The following SYNE1 variants were observed in gnomAD, a reference collection of about 807,000 sequenced individuals.
SYNE1 encodes the protein spectrin repeat containing nuclear envelope protein 1, also known as nesprin-1.
A neutral mutation model predicts 1,111.0 loss-of-function variants in SYNE1; 616 were observed. The ratio of observed to expected loss-of-function variants is 0.55; its 90% CI spans 0.52 to 0.59. The LOEUF is 0.59. Among genes scored for constraint, SYNE1 ranks in the 20% least tolerant of loss-of-function variants. The probability of loss-of-function intolerance (pLI) is 0.00; values close to 1 mark genes in which losing one functional copy is unlikely to be tolerated. For synonymous variants in SYNE1, 3,855 were observed against 3,825.8 expected (o/e 1.01, Z -0.28); for missense variants, 10,006 against 10,417.0 (o/e 0.96, Z 1.72).
chr6:152,511,513 T>C (rs1233603552), intron 6 of SYNE1: 36 of 1,509,324 alleles, frequency 2.4e-5, no homozygotes, highest in Non-Finnish European at 3.3e-5. Flanking sequence ...AGCAGGTAAC[T>C]TATGTTCCCT....
chr6:152,483,973 G>A (rs1439502810), intron 13 of SYNE1, among the ~76,000 whole-genome samples: 1 of 147,946 alleles, frequency 6.8e-6, no homozygotes, highest in Non-Finnish European at 1.5e-5. Flanking sequence ...AAGCCAAGAT[G>A]GATGAGATGC....
intron 6 of SYNE1, among the ~76,000 whole-genome samples, chr6:152,512,204 T>C (rs943731609): frequency 6.6e-6 from 1 of 152,188 alleles, no homozygotes; most frequent in African/African-American, 2.4e-5. Flanking sequence ...ACAAAAATCA[T>C]TGTAAATGAT....
intron 33 of SYNE1, chr6:152,434,893 C>T (rs1440823314): frequency 6.6e-6 from 1 of 152,058 alleles, no homozygotes; most frequent in Non-Finnish European, 1.5e-5. Flanking sequence ...CTGAATGTGC[C>T]TAATGCTGTC....
intron 4 of SYNE1, among the ~76,000 whole-genome samples, chr6:152,531,378 T>C (rs889083247): frequency 6.6e-6 from 1 of 152,328 alleles, no homozygotes; most frequent in South Asian, 2.1e-4. Flanking sequence ...GTAGAGGACA[T>C]GAACAGAAAT....
intron 100 of SYNE1, among the ~76,000 whole-genome samples, chr6:152,264,758 C>T (rs2092501202): frequency 6.6e-6 from 1 of 152,122 alleles, no homozygotes; most frequent in Non-Finnish European, 1.5e-5. Flanking sequence ...TATAATCACA[C>T]CACTGCACTC....
rs376327805 is a variant in SYNE1 at position 152,350,649 on chromosome 6, C to G, written c.11702G>C (p.Ser3901Thr). The change falls in exon 71 of 146, where the codon AGT becomes ACT. Residue 3901 changes from serine to threonine, a missense_variant. Physicochemically the swap from Ser to Thr is moderately conservative, Grantham distance 58. This residue lies in a region of SYNE1 where 4,955 missense variants were observed against 5,017.2 expected (regional missense o/e 0.99). Coordinates refer to ENST00000367255, the MANE Select transcript of SYNE1 (RefSeq NM_182961.4). ...TATGCTGCACAGGTCCTGGTAATCA[C>G]TTTGAAGTTGATCTATTTTGTCCTT... ...TLKDKIDQLQ[S>T]DYQDLCSIGK... The G allele has an allele frequency of 3.9e-5, 63 of 1,613,994 alleles. No individual in the cohort carries two copies. Among genetic ancestry groups the G allele is most frequent in the Non-Finnish European group, 5.3e-5 (62 of 1,180,016 alleles).
intron 67 of SYNE1, 22 bp downstream of exon 67, chr6:152,354,637 C>T: frequency 6.2e-7 from 1 of 1,612,606 alleles, no homozygotes; most frequent in Non-Finnish European, 8.5e-7. Context: ...TGACAAAGAT[C>T]AGGAATCTAC....
At chr6:152,430,743 G>C (rs763116518) in intron 34 of SYNE1, 34 bp from the exon 35 acceptor site, 1 of 1,583,582 alleles carries the variant, frequency 6.3e-7, no homozygotes, top group Non-Finnish European at 8.7e-7. Flanking sequence ...GACAATGTAG[G>C]CTGAGCAAGC....
chr6:152,363,373 A>G (rs973352089), intron 63 of SYNE1, among the ~76,000 whole-genome samples: 1 of 149,934 alleles, frequency 6.7e-6, no homozygotes, highest in Non-Finnish European at 1.5e-5. Context: ...GGGCGCCTGT[A>G]GTACCAGCTA....
rs752394397 is a variant in SYNE1, at chr6:152,133,395, A to T, written c.25882T>A (p.Cys8628Ser). 1 of 1,614,218 alleles carries T rather than the reference A, an allele frequency of 6.2e-7. No homozygotes were observed. Among genetic ancestry groups the T allele is most frequent in the African/African-American group, 1.3e-5 (1 of 75,056 alleles). Reference protein sequence around the residue: ...QLLVNAEGTDCLEAKEKVHVI... With the variant: ...QLLVNAEGTDSLEAKEKVHVI... ...TGGACTTTTTCTTTGGCTTCTAAAC[A>T]GTCTGTTCCTTCAGCATTCACCAGT... The change falls in exon 143 of 146, where the codon TGT (cysteine) becomes AGT (serine). Residue 8628 changes from cysteine to serine, a missense_variant. Coordinates refer to ENST00000367255, the MANE Select transcript of SYNE1 (RefSeq NM_182961.4).
Position 152,255,711 on chromosome 6 carries a change from C to A in SYNE1, c.19140G>T (p.Glu6380Asp), listed in dbSNP as rs752442441. Reference sequence around the variant, plus strand: ...CTGAGACTCCATCATACAACTTCTGCTCCAAGTGTATACTCTGCCTCTTTG... The same window carrying A: ...CTGAGACTCCATCATACAACTTCTGATCCAAGTGTATACTCTGCCTCTTTG... ...GGAKRQSIHLEQKLYDGVSAT... is the reference protein window; with the variant it reads ...GGAKRQSIHLDQKLYDGVSAT... Residue 6380 changes from glutamate to aspartate, a missense_variant, in exon 103 of 146, where the codon GAG becomes GAT. By Grantham distance (45) the Glu-to-Asp change is conservative (BLOSUM62 2). Coordinates refer to ENST00000367255, the MANE Select transcript of SYNE1 (RefSeq NM_182961.4). The A allele has an allele frequency of 6.2e-7, 1 of 1,614,214 alleles. No individual in the cohort carries two copies. The highest frequency in any genetic ancestry group is 8.5e-7 in the Non-Finnish European group (1 of 1,180,036).
Position 152,289,770 on chromosome 6 carries a change from G to A in SYNE1, c.18012+3818C>T, listed in dbSNP as rs1233825066. ...GCCTCCCAAGTAGCTGGGACTACAA[G>A]CGCCCACCACCATGCCTGGCTAAGT... is the stretch of plus-strand genomic sequence containing the variant. On this transcript the variant is annotated intron_variant, in intron 95 of 145. Coordinates refer to ENST00000367255, the MANE Select transcript of SYNE1 (RefSeq NM_182961.4). Among the ~76,000 whole-genome samples the A allele has an allele frequency of 2.0e-5, 3 of 152,152 alleles. No individual in the cohort carries two copies. In the East Asian group the frequency reaches 5.8e-4, roughly 29 times the overall value.
intron 64 of SYNE1, among the ~76,000 whole-genome samples, chr6:152,360,285 TGCAACAA>T (rs1470758918): frequency 6.6e-6 from 1 of 152,178 alleles, no homozygotes; most frequent in African/African-American, 2.4e-5. Context: ...TACTCTCTGC[TGCAACAA>T]CACCTGCCTG....
rs2071566265 is a variant in SYNE1 at position 152,189,499 on chromosome 6, T to C, written c.23146-92A>G. 15 of 1,218,892 alleles carry C rather than the reference T, an allele frequency of 1.2e-5. No homozygotes were observed. The South Asian group carries it at 1.9e-4, about 15-fold the overall frequency. 75.5% of individuals were successfully genotyped at this position (1,218,892 alleles called of 1,614,324 possible). A position where few individuals can be genotyped will look rare whatever the true frequency, so the allele number is the denominator to read the frequency against. ...AATCCCCTCTTGATAGAATTTCCTT[T>C]GTATAGCCCTCAATTTAAATATCTA... On this transcript the variant is annotated intron_variant, in intron 127 of 145. Transcript: ENST00000367255.
intron 50 of SYNE1, among the ~76,000 whole-genome samples, chr6:152,396,535 T>C (rs1406929704): frequency 6.6e-6 from 1 of 152,232 alleles, no homozygotes; most frequent in Non-Finnish European, 1.5e-5. Flanking sequence ...TGCATTTATA[T>C]AATTTTCAGT....
chr6:152,339,299 T>C lies in SYNE1; in HGVS notation c.12293A>G (p.Asp4098Gly). The C allele has an allele frequency of 6.2e-7, 1 of 1,614,088 alleles. No individual in the cohort carries two copies. Among genetic ancestry groups the C allele is most frequent in the South Asian group, 1.1e-5 (1 of 91,086 alleles). ...GGTTTTCACCGAAGCATTTGACAGG[T>C]CACACATGGAGCAAAGGAGATCTAG... ...TYLDLLCSMCDLSNASVKTTA... is the reference protein window; with the variant it reads ...TYLDLLCSMCGLSNASVKTTA... Residue 4098 changes from aspartate to glycine, a missense_variant, in exon 75 of 146, where the codon GAC becomes GGC. Coordinates refer to ENST00000367255, the MANE Select transcript of SYNE1 (RefSeq NM_182961.4).
chr6:152,451,412 G>T (rs1282798010), intron 25 of SYNE1, among the ~76,000 whole-genome samples: 2 of 150,350 alleles, frequency 1.3e-5, no homozygotes, highest in African/African-American at 4.9e-5. Context: ...TCTGCTGTGG[G>T]TTAGGTGTTT....
intron 98 of SYNE1, among the ~76,000 whole-genome samples, chr6:152,272,765 G>A (rs1281573379): frequency 6.6e-6 from 1 of 152,156 alleles, no homozygotes; most frequent in East Asian, 1.9e-4. Context: ...TACAGACTTA[G>A]GAAGGTATTC....
In SYNE1 at chr6:152,133,387, T is replaced by C. The variant is rs764889457; in HGVS notation, c.25890A>G (p.Glu8630=). ...LVNAEGTDCL[E]AKEKVHVIGN... is the part of the protein sequence containing the mutation. Reference sequence around the variant, plus strand: ...CAATAACATGGACTTTTTCTTTGGCTTCTAAACAGTCTGTTCCTTCAGCAT... The same window carrying C: ...CAATAACATGGACTTTTTCTTTGGCCTCTAAACAGTCTGTTCCTTCAGCAT... The change falls in exon 143 of 146, where the codon GAA becomes GAG. Residue 8630 remains glutamate, a synonymous_variant. Coordinates refer to ENST00000367255, the MANE Select transcript of SYNE1 (RefSeq NM_182961.4). 2.5e-6 allele frequency: 4 copies of C among 1,614,116 alleles called. No homozygotes were observed. The highest frequency in any genetic ancestry group is 3.4e-6 in the Non-Finnish European group (4 of 1,180,042).
Sources: allele counts gnomAD v4.1 joint callset (sites outside exome capture counted in the v4.1 genomes callset), GRCh38; gene constraint gnomAD v4.1.1; regional missense constraint gnomAD v4.1.1; transcripts MANE v1.5; gene names NCBI Gene and HGNC (gene_info 2026-07-23, HGNC 2026-07-21).